BICD1: variants seen among roughly 807,000 people sequenced by gnomAD.
BICD1 encodes BICD cargo adaptor 1.
Under a neutral mutation model 92.5 loss-of-function variants are expected in BICD1, and 35 were observed. The observed-to-expected ratio is 0.38, with a 90% CI of 0.29 to 0.50. The LOEUF is 0.50. Among genes scored for constraint, BICD1 ranks in the 20% least tolerant of loss-of-function variants. BICD1 has a pLI of 0.93. For missense variants in BICD1, 950 were observed against 1,189.8 expected (o/e 0.80, Z 2.97); for synonymous variants, 429 against 465.1 (o/e 0.92, Z 1.00).
At chr12:32,288,320 C>T (rs1947634891) in intron 2 of BICD1, among the ~76,000 whole-genome samples, 1 of 148,980 alleles carries the variant, frequency 6.7e-6, no homozygotes, top group Non-Finnish European at 1.5e-5. Context: ...CAGGCTTGAC[C>T]TTTGGGGCTC....
At chr12:32,142,608 T>C (rs1285858333) in intron 1 of BICD1, among the ~76,000 whole-genome samples, 1 of 152,180 alleles carries the variant, frequency 6.6e-6, no homozygotes, top group African/African-American at 2.4e-5. Context: ...CAGCCTTCGC[T>C]TCACATCTGA....
chr12:32,257,731 C>T (rs969759712), intron 2 of BICD1, among the ~76,000 whole-genome samples: 10 of 152,084 alleles, frequency 6.6e-5, no homozygotes, highest in South Asian at 2.1e-4. Flanking sequence ...CTAAAAACAA[C>T]GGAAATTACT....
intron 1 of BICD1, among the ~76,000 whole-genome samples, chr12:32,211,526 C>T (rs963207989): frequency 1.2e-4 from 19 of 152,154 alleles, no homozygotes; most frequent in African/African-American, 4.3e-4. Context: ...AATAAATTCA[C>T]TTGCTCTTAA....
chr12:32,360,308 G>T (rs1372525170), intron 8 of BICD1, among the ~76,000 whole-genome samples: 1 of 152,154 alleles, frequency 6.6e-6, no homozygotes, highest in Non-Finnish European at 1.5e-5. Flanking sequence ...AAAGATAGAG[G>T]AAGAGGTGCC....
intron 1 of BICD1, among the ~76,000 whole-genome samples, chr12:32,215,526 TAGAA>T (rs1945329543): frequency 6.6e-6 from 1 of 152,230 alleles, no homozygotes; most frequent in African/African-American, 2.4e-5. Flanking sequence ...GCCAATGTAT[TAGAA>T]AGCACACTAA....
At chr12:32,108,613 A>G (rs1941580260) in intron 1 of BICD1, 3 of 679,700 alleles carry the variant, frequency 4.4e-6, no homozygotes, top group Non-Finnish European at 8.0e-6. Flanking sequence ...ATATAATATC[A>G]AAAATCTATT....
At chr12:32,232,202 C>T (rs1163403868) in intron 2 of BICD1, among the ~76,000 whole-genome samples, 1 of 149,144 alleles carries the variant, frequency 6.7e-6, no homozygotes, top group East Asian at 2.0e-4. Context: ...ACAGTCCCAC[C>T]AACAGTGTAA....
intron 2 of BICD1, among the ~76,000 whole-genome samples, chr12:32,291,665 C>T (rs1428213371): frequency 1.3e-5 from 2 of 151,808 alleles, no homozygotes; most frequent in African/African-American, 4.8e-5. Flanking sequence ...TAGTGAAATA[C>T]CATCTCTACA....
chr12:32,123,934 G>A (rs1942241821), intron 1 of BICD1, among the ~76,000 whole-genome samples: 1 of 151,930 alleles, frequency 6.6e-6, no homozygotes, highest in Admixed American at 6.6e-5. Context: ...TAGACCACTT[G>A]TTTTAAAAAT....
At chr12:32,135,691 C>T (rs920691793) in intron 1 of BICD1, among the ~76,000 whole-genome samples, 1 of 152,144 alleles carries the variant, frequency 6.6e-6, no homozygotes, top group Non-Finnish European at 1.5e-5. Flanking sequence ...TGAACCTTCA[C>T]CTTTCTTTTA....
intron 2 of BICD1, among the ~76,000 whole-genome samples, chr12:32,274,701 GCCACC>G (rs752103886): frequency 6.6e-6 from 1 of 152,082 alleles, no homozygotes; most frequent in Non-Finnish European, 1.5e-5. Flanking sequence ...ATTAGCATTA[GCCACC>G]CCATTCCAAC....
At chr12:32,176,401 A>G (rs1372490777) in intron 1 of BICD1, among the ~76,000 whole-genome samples, 3 of 152,122 alleles carry the variant, frequency 2.0e-5, no homozygotes, top group African/African-American at 7.2e-5. Flanking sequence ...TGTATGATTG[A>G]GGTATCATTT....
intron 1 of BICD1, among the ~76,000 whole-genome samples, chr12:32,134,644 G>A (rs934671216): frequency 3.3e-5 from 5 of 152,298 alleles, no homozygotes; most frequent in South Asian, 4.1e-4. Context: ...TTTCAGCACC[G>A]CGACTCTGTC....
intron 2 of BICD1, among the ~76,000 whole-genome samples, chr12:32,282,965 T>C (rs1024937323): frequency 2.0e-5 from 3 of 152,152 alleles, no homozygotes; most frequent in Admixed American, 6.5e-5. Context: ...GAAATATGAA[T>C]ATAAAGGTTA....
intron 2 of BICD1, among the ~76,000 whole-genome samples, chr12:32,243,992 TATTA>T (rs990802365): frequency 3.9e-5 from 6 of 151,946 alleles, no homozygotes; most frequent in African/African-American, 1.5e-4. Flanking sequence ...TTCTTATCCG[TATTA>T]ATTATTTCTT....
intron 1 of BICD1, among the ~76,000 whole-genome samples, chr12:32,176,677 T>G (rs1356122342): frequency 6.6e-6 from 1 of 152,220 alleles, no homozygotes; most frequent in Non-Finnish European, 1.5e-5. Flanking sequence ...TGTACTCCTT[T>G]GTGTTGTCTT....
At chr12:32,128,423 G>A (rs1467906730) in intron 1 of BICD1, among the ~76,000 whole-genome samples, 1 of 152,058 alleles carries the variant, frequency 6.6e-6, no homozygotes. Context: ...AAGAATAAAT[G>A]CCTGTACTAA....
At chr12:32,244,317 T>G (rs749696829) in intron 2 of BICD1, among the ~76,000 whole-genome samples, 3 of 152,204 alleles carry the variant, frequency 2.0e-5, no homozygotes, top group African/African-American at 4.8e-5. Context: ...TCTCTTTGCC[T>G]TTCCCCTTAT....
intron 4 of BICD1, among the ~76,000 whole-genome samples, chr12:32,325,702 C>A (rs923871886): frequency 6.6e-6 from 1 of 151,938 alleles, no homozygotes; most frequent in African/African-American, 2.4e-5. Context: ...TTTATTATAT[C>A]TAATTATAAT....
Sources: allele counts gnomAD v4.1 joint callset (sites outside exome capture counted in the v4.1 genomes callset), GRCh38; gene constraint gnomAD v4.1.1; transcripts MANE v1.5; gene names NCBI Gene and HGNC (gene_info 2026-07-23, HGNC 2026-07-21).